Variants in TTN observed in about 807,000 individuals in gnomAD.
TTN encodes the protein titin, also known as connectin.
In TTN, 1,525 loss-of-function variants were observed where a neutral mutation model predicts 3,223.0. That is an observed-to-expected ratio of 0.47 (90% CI 0.45 to 0.49). The LOEUF (loss-of-function observed/expected upper bound fraction) is 0.49, where lower values mean the gene tolerates loss of function less well. Ranked by LOEUF, TTN falls within the 20% of genes least tolerant of loss-of-function variation. The probability of loss-of-function intolerance (pLI) is 0.00; values close to 1 mark genes in which losing one functional copy is unlikely to be tolerated. For synonymous variants in TTN, 14,094 were observed against 15,161.0 expected (o/e 0.93, Z 5.17); for missense variants, 40,786 against 43,424.0 (o/e 0.94, Z 5.40).
chr2:178,757,620 C>A lies in TTN; in HGVS notation c.10600G>T (p.Ala3534Ser), dbSNP rs1205126810. The change falls in exon 45 of 363, where the codon GCT becomes TCT. Residue 3534 changes from alanine to serine, a missense_variant. Physicochemically the swap from Ala to Ser is moderately conservative, Grantham distance 99. Transcript: ENST00000589042. Reference protein sequence around the residue: ...MLIVDAYSEHAGQYSCKAANS... With the variant: ...MLIVDAYSEHSGQYSCKAANS... ...GCTGCTTTGCAAGAGTACTGCCCAG[C>A]ATGCTCTGAGTAAGCATCAACTATA... 6.2e-7 allele frequency: 1 copy of A among 1,613,398 alleles called. No homozygotes were observed. Among genetic ancestry groups the A allele is most frequent in the African/African-American group, 1.3e-5 (1 of 74,936 alleles).
rs796890877 is a variant in TTN at position 178,606,915 on chromosome 2, C to G, written c.53581+106G>C. ...ATTTACTTTTCTTATTACTCTTTAG[C>G]TATAGATTTTGAGACTGTTGGGAGT... On this transcript the variant is annotated intron_variant, in intron 278 of 362. Coordinates refer to ENST00000589042, the MANE Select transcript of TTN (RefSeq NM_001267550.2). 20 of 1,255,086 alleles carry G rather than the reference C, an allele frequency of 1.6e-5. No individual in the cohort carries two copies. In the African/African-American group the frequency reaches 3.1e-4, roughly 19 times the overall value. 77.7% of individuals were successfully genotyped at this position (1,255,086 alleles called of 1,614,324 possible).
At chr2:178,685,229 G>T (rs2070544016) in intron 129 of TTN, 24 bp downstream of exon 129, 4 of 1,504,196 alleles carry the variant, frequency 2.7e-6, no homozygotes, top group South Asian at 2.6e-5. Flanking sequence ...AAATAGTGTT[G>T]CATTTCTTTG....
rs372521529 is a variant in TTN, at chr2:178,530,739, C to A, written c.105876G>T (p.Leu35292=). The A allele has an allele frequency of 6.2e-7, 1 of 1,613,920 alleles. No homozygotes were observed. Among genetic ancestry groups the A allele is most frequent in the South Asian group, 1.1e-5 (1 of 91,064 alleles). Residue 35292 remains leucine, a synonymous_variant, in exon 358 of 363, where the codon CTG becomes CTT. Transcript: ENST00000589042. ...CAATCTCTTTAGAAGCTTCTGCTTT[C>A]AGGAACTGAGTAATCTTTGGTGGGG... ...VSAPPKITQF[L]KAEASKEIAK... is the part of the protein sequence containing the mutation.
In TTN at chr2:178,683,968, A is replaced by AT. The variant is rs372078760; in HGVS notation, c.32806+30dup. The AT allele has an allele frequency of 0.047, 58,459 of 1,242,896 alleles. 48 individuals are homozygous for AT. The highest frequency in any genetic ancestry group is 0.074 in the South Asian group (4,456 of 60,536). The allele number at this position is 1,242,896 out of a possible 1,614,324, so 77.0% of individuals were successfully genotyped here. On this transcript the variant is annotated intron_variant, in intron 133 of 362. Transcript: ENST00000589042. ...TTTTAGTGTCTGGATGCTTATTTTG[A>AT]TTTTTTTTTTTTTTTTAAGAGTCAG...
chr2:178,556,795 C>T lies in TTN; in HGVS notation c.88306+53G>A, dbSNP rs77211952. ...AGGATTAGAACCAGGAAAAGGTATG[C>T]GGAAATACTGAGTTAAATAGCAATT... On this transcript the variant is annotated intron_variant, in intron 330 of 362. Transcript: ENST00000589042. The T allele has an allele frequency of 8.6e-4, 1,368 of 1,589,032 alleles. 20 individuals carry two copies. In the East Asian group the frequency reaches 0.024, roughly 28 times the overall value.
intron 293 of TTN, 27 bp from the exon 294 acceptor site, chr2:178,597,846 T>C: frequency 6.2e-7 from 1 of 1,612,568 alleles, no homozygotes; most frequent in East Asian, 2.2e-5. Flanking sequence ...ATTACAAATG[T>C]GATTTTTCCC....
intron 338 of TTN, 32 bp downstream of exon 338, chr2:178,549,538 C>A: frequency 1.3e-6 from 2 of 1,599,320 alleles, no homozygotes; most frequent in Non-Finnish European, 1.7e-6. Context: ...AAACTTTTGA[C>A]ATAGTACCGC....
chr2:178,663,852 G>A lies in TTN; in HGVS notation c.36415C>T (p.Pro12139Ser), dbSNP rs771436910. 6 of 1,613,418 alleles carry A rather than the reference G, an allele frequency of 3.7e-6. No individual in the cohort carries two copies. Among genetic ancestry groups the A allele is most frequent in the South Asian group, 1.1e-5 (1 of 91,074 alleles). ...VIREEKVPLA[P>S]PKEPEVPPVK... ...GGTGGGACTTCAGGCTCTTTAGGAG[G>A]AGCCAAGGGCACTTTCTCTTCGCGG... Residue 12139 changes from proline to serine, a missense_variant, in exon 170 of 363, where the codon CCT (proline) becomes TCT (serine). Physicochemically the swap from Pro to Ser is moderately conservative, Grantham distance 74 (BLOSUM62 -1). Coordinates refer to ENST00000589042, the MANE Select transcript of TTN (RefSeq NM_001267550.2).
chr2:178,585,102 C>A lies in TTN; in HGVS notation c.64642G>T (p.Asp21548Tyr), dbSNP rs749070255. The change falls in exon 309 of 363, where the codon GAC (aspartate) becomes TAC (tyrosine). Residue 21548 changes from aspartate (D) to tyrosine (Y), a missense_variant. Physicochemically the swap from Asp to Tyr is radical, Grantham distance 160. Coordinates refer to ENST00000589042, the MANE Select transcript of TTN (RefSeq NM_001267550.2). ...ACTACAACTTTGATTTTCTGAGTGT[C>A]TGTCCCAGAACTGTTCTCTGCTGTG... ...SLTAENSSGT[D>Y]TQKIKVVVMD... is the part of the protein sequence containing the mutation. The A allele has an allele frequency of 1.4e-5, 23 of 1,606,736 alleles. No individual in the cohort carries two copies. Among genetic ancestry groups the A allele is most frequent in the Non-Finnish European group, 1.9e-5 (22 of 1,176,434 alleles).
chr2:178,567,809 T>C lies in TTN; in HGVS notation c.78323A>G (p.Gln26108Arg), dbSNP rs370963021. Reference protein sequence around the residue: ...IMVKRNEITLQWTKPVYDGGS... With the variant: ...IMVKRNEITLRWTKPVYDGGS... ...ACCATCATACACAGGTTTGGTCCAC[T>C]GTAAAGTGATTTCATTTCTTTTAAC... Residue 26108 changes from glutamine (Q) to arginine (R), a missense_variant, in exon 326 of 363, where the codon CAG becomes CGG. Physicochemically the swap from Gln to Arg is conservative, Grantham distance 43. Transcript: ENST00000589042. 3.8e-5 allele frequency: 62 copies of C among 1,613,452 alleles called. No individual in the cohort carries two copies. Among genetic ancestry groups the C allele is most frequent in the Non-Finnish European group, 5.0e-5 (59 of 1,179,608 alleles).
At position 178,591,838 on chromosome 2, in the gene TTN, A is replaced by T; in HGVS notation, c.59981T>A (p.Val19994Asp). ...ATCCGGCTTATTCCAGACTAGGGAG[A>T]CTTCAGTCTTGTCAACATCTACATG... ...LHHVDVDKTE[V>D]SLVWNKPDRD... Residue 19994 changes from valine to aspartate, a missense_variant, in exon 303 of 363, where the codon GTC becomes GAC. Transcript: ENST00000589042. The T allele has an allele frequency of 6.2e-7, 1 of 1,613,218 alleles. No individual in the cohort carries two copies. The highest frequency in any genetic ancestry group is 8.5e-7 in the Non-Finnish European group (1 of 1,179,552).
At chr2:178,629,769 G>A (rs1436104678) in intron 239 of TTN, among the ~76,000 whole-genome samples, 1 of 152,074 alleles carries the variant, frequency 6.6e-6, no homozygotes, top group Non-Finnish European at 1.5e-5. Context: ...CTGATTGGGA[G>A]AGGACAAGGG....
rs2082349179 is a variant in TTN, at chr2:178,740,771, A to G, written c.12462T>C (p.Ile4154=). 6.2e-7 allele frequency: 1 copy of G among 1,613,506 alleles called. No homozygotes were observed. Among genetic ancestry groups the G allele is most frequent in the East Asian group, 2.2e-5 (1 of 44,850 alleles). The part of the protein sequence containing the change: ...KEPSPNLQLQ[I]VQSQKTFSKE... ...TGGAGAAGGTTTTCTGGGACTGTAC[A>G]ATCTGCAGCTGTAGGTTGGGAGATG... The change falls in exon 48 of 363, where the codon ATT becomes ATC. Residue 4154 remains isoleucine, a synonymous_variant. Transcript: ENST00000589042.
At position 178,729,481 on chromosome 2, in the gene TTN, T is replaced by C. The variant is rs2080000865; in HGVS notation, c.18675A>G (p.Thr6225=). The C allele has an allele frequency of 1.2e-6, 2 of 1,613,442 alleles. No individual in the cohort carries two copies. Among genetic ancestry groups the C allele is most frequent in the African/African-American group, 2.7e-5 (2 of 74,888 alleles). The change falls in exon 64 of 363, where the codon ACA becomes ACG. Residue 6225 remains threonine (T), a synonymous_variant. Transcript: ENST00000589042. ...TCAGCCAAGTGACTTCAAACGGAGG[T>C]GTTCCCGTAACTTCACACTCCAGCT... ...DVELECEVTG[T]PPFEVTWLKN... is the part of the protein sequence containing the mutation.
At chr2:178,720,696 A>G (rs369346552) in intron 79 of TTN, 33 bp from the exon 80 acceptor site, 3 of 1,534,276 alleles carry the variant, frequency 2.0e-6, no homozygotes, top group Non-Finnish European at 2.6e-6. Flanking sequence ...CAATGAGAAC[A>G]CTTGCTTACT....
At chr2:178,641,074 T>C (rs1365368759) in intron 220 of TTN, among the ~76,000 whole-genome samples, 167 bp downstream of exon 220, 1 of 151,910 alleles carries the variant, frequency 6.6e-6, no homozygotes, top group Non-Finnish European at 1.5e-5. Flanking sequence ...GGAATTACTA[T>C]AAAAATATTT....
chr2:178,578,688 T>C lies in TTN; in HGVS notation c.68252A>G (p.Asn22751Ser), dbSNP rs761226149. 16 of 1,611,518 alleles carry C rather than the reference T, an allele frequency of 9.9e-6. No individual in the cohort carries two copies. The highest frequency in any genetic ancestry group is 1.7e-5 in the Admixed American group (1 of 59,756). ...FDVPDAPPPP[N>S]IVDVRHDSVS... ...TGAATCGTGTCTGACATCCACAATATTGGGAGGTGGGGGAGCATCAGGCAC... is the reference window on the plus strand; with the variant it reads ...TGAATCGTGTCTGACATCCACAATACTGGGAGGTGGGGGAGCATCAGGCAC... Residue 22751 changes from asparagine (N) to serine (S), a missense_variant, in exon 321 of 363, where the codon AAT (asparagine) becomes AGT (serine). Coordinates refer to ENST00000589042, the MANE Select transcript of TTN (RefSeq NM_001267550.2).
In TTN at chr2:178,573,903, C is replaced by G; in HGVS notation, c.72229G>C (p.Glu24077Gln). The G allele has an allele frequency of 6.2e-7, 1 of 1,611,434 alleles. No individual in the cohort carries two copies. The highest frequency in any genetic ancestry group is 8.5e-7 in the Non-Finnish European group (1 of 1,178,134). ...GKELEGTAKL[E>Q]IKIADFSTNL... ...GTAGAGAAATCTGCAATTTTTATTT[C>G]TAACTTTGCTGTGCCTTCCAGCTCT... The change falls in exon 326 of 363, where the codon GAA becomes CAA. Residue 24077 changes from glutamate (E) to glutamine (Q), a missense_variant. Glu to Gln is a conservative substitution (Grantham distance 29). Transcript: ENST00000589042.
rs2154145503 is a variant in TTN, at chr2:178,545,929, A to C, written c.95307T>G (p.Val31769=). ...EGECPTLSYV[V]TRLIKNNEYI... is the part of the protein sequence containing the mutation. ...ACTCATTGTTCTTGATGAGCCTGGTAACGACATAGGATAGGGTTGGGCATT... is the reference window on the plus strand; with the variant it reads ...ACTCATTGTTCTTGATGAGCCTGGTCACGACATAGGATAGGGTTGGGCATT... Residue 31769 remains valine, a synonymous_variant, in exon 343 of 363, where the codon GTT becomes GTG. Coordinates refer to ENST00000589042, the MANE Select transcript of TTN (RefSeq NM_001267550.2). 1 of 1,613,856 alleles carries C rather than the reference A, an allele frequency of 6.2e-7. No homozygotes were observed. The highest frequency in any genetic ancestry group is 8.5e-7 in the Non-Finnish European group (1 of 1,179,788).
Sources: allele counts gnomAD v4.1 joint callset (sites outside exome capture counted in the v4.1 genomes callset), GRCh38; gene constraint gnomAD v4.1.1; transcripts MANE v1.5; gene names NCBI Gene and HGNC (gene_info 2026-07-23, HGNC 2026-07-21).